MYEF2: variants seen among roughly 807,000 people sequenced by gnomAD.
MYEF2 encodes the protein myelin expression factor 2.
MYEF2 carries 37 observed loss-of-function variants against 75.2 expected under a neutral mutation model. That is an observed-to-expected ratio of 0.49 (90% CI 0.38 to 0.65). The LOEUF is 0.65. Ranked by LOEUF, MYEF2 falls within the 30% of genes least tolerant of loss-of-function variation. The pLI, the probability that MYEF2 is intolerant of heterozygous loss-of-function variation, is 0.00. For missense variants in MYEF2, 634 were observed against 771.4 expected (o/e 0.82, Z 2.11); for synonymous variants, 195 against 241.6 (o/e 0.81, Z 1.79).
At chr15:48,143,276 T>C (rs2039152323) in intron 16 of MYEF2, among the ~76,000 whole-genome samples, 1 of 151,996 alleles carries the variant, frequency 6.6e-6, no homozygotes, top group Non-Finnish European at 1.5e-5. Flanking sequence ...ATATACAAAA[T>C]TGGAATCAGG....
At position 48,136,686 on chromosome 15, in the gene MYEF2, T is replaced by C. The variant is rs199825911; in HGVS notation, c.*6222A>G. Reference sequence around the variant, plus strand: ...AACACAAATTTCTCTTTTGTAGGTATGAAGGGGCTTTACTGCTTTTGATAT... The same window carrying C: ...AACACAAATTTCTCTTTTGTAGGTACGAAGGGGCTTTACTGCTTTTGATAT... On this transcript the variant is annotated 3_prime_UTR_variant, in exon 17 of 17. Coordinates refer to ENST00000324324, the MANE Select transcript of MYEF2 (RefSeq NM_016132.5). 188 of 1,600,250 alleles carry C rather than the reference T, an allele frequency of 1.2e-4. 1 individual carries two copies. In the Middle Eastern group the frequency reaches 1.5e-3, roughly 13 times the overall value.
In MYEF2 at chr15:48,142,208, T is replaced by C. The variant is rs1287108952; in HGVS notation, c.*700A>G. 6.2e-7 allele frequency: 1 copy of C among 1,613,756 alleles called. No individual in the cohort carries two copies. Among genetic ancestry groups the C allele is most frequent in the African/African-American group, 1.3e-5 (1 of 74,916 alleles). ...CAACATTTCAATTATTTTTCTTTTT[T>C]TAGCAGTTCACTTCAATGGCTGGAA... On this transcript the variant is annotated 3_prime_UTR_variant, in exon 17 of 17. Coordinates refer to ENST00000324324, the MANE Select transcript of MYEF2 (RefSeq NM_016132.5).
chr15:48,156,504 TGACTCAAAAAAAAAA>T (rs2039702415), intron 9 of MYEF2, among the ~76,000 whole-genome samples: 1 of 149,198 alleles, frequency 6.7e-6, no homozygotes. Context: ...TTACAAAAAT[TGACTCAAAAAAAAAA>T]GACAGAAAAT....
chr15:48,149,206 C>T lies in MYEF2; in HGVS notation c.1544G>A (p.Arg515Lys). ...GTTGCCTTTGGAGCCTATTCTCTCT[C>T]TCATTCCGCTTCCCATTGGACCCGA... ...FLSGPMGSGM[R>K]ERIGSKGNQI... Residue 515 changes from arginine (R) to lysine (K), a missense_variant, in exon 15 of 17, where the codon AGA becomes AAA. Arg to Lys is a conservative substitution (Grantham distance 26, BLOSUM62 2). Coordinates refer to ENST00000324324, the MANE Select transcript of MYEF2 (RefSeq NM_016132.5). The surrounding 1 kb of genome is among the most constrained non-coding windows in gnomAD (Gnocchi z 4.0). 1.1e-5 allele frequency: 18 copies of T among 1,613,428 alleles called. No homozygotes were observed. Among genetic ancestry groups the T allele is most frequent in the Non-Finnish European group, 1.5e-5 (18 of 1,179,490 alleles).
intron 16 of MYEF2, among the ~76,000 whole-genome samples, chr15:48,145,919 A>T (rs74011909): frequency 0.044 from 6,683 of 151,970 alleles, 347 homozygotes; most frequent in African/African-American, 0.11. Flanking sequence ...AGTCCACTCA[A>T]AATGCTTGAA....
In MYEF2 at chr15:48,138,187, TTA is replaced by T. The variant is rs1473535449; in HGVS notation, c.*4719_*4720del. 6.6e-6 allele frequency: 1 copy of T among 152,068 alleles called. No homozygotes were observed. Among genetic ancestry groups the T allele is most frequent in the Non-Finnish European group, 1.5e-5 (1 of 67,956 alleles). The allele number at this position is 152,068 out of a possible 1,614,324, so 9.4% of individuals were successfully genotyped here. A position where few individuals can be genotyped will look rare whatever the true frequency, so the allele number is the denominator to read the frequency against. ...CATTGGTTGAAGCTTGGCAAACTTT[TTA>T]TGAGTTGTTGTACTAACATTAGTTT... is the stretch of plus-strand genomic sequence containing the variant. On this transcript the variant is annotated 3_prime_UTR_variant, in exon 17 of 17. Coordinates refer to ENST00000324324, the MANE Select transcript of MYEF2 (RefSeq NM_016132.5).
At position 48,143,030 on chromosome 15, in the gene MYEF2, A is replaced by C. The variant is rs1245281523; in HGVS notation, c.1681T>G (p.Ser561Ala). 2 of 1,582,740 alleles carry C rather than the reference A, an allele frequency of 1.3e-6. No individual in the cohort carries two copies. The highest frequency in any genetic ancestry group is 2.8e-5 in the African/African-American group (2 of 72,690). Residue 561 changes from serine to alanine, a missense_variant, in exon 17 of 17, where the codon TCA becomes GCA. By Grantham distance (99) the Ser-to-Ala change is moderately conservative. Coordinates refer to ENST00000324324, the MANE Select transcript of MYEF2 (RefSeq NM_016132.5). Reference sequence around the variant, plus strand: ...AATCTGACTGTTCCACAGCCTTTTGACTTTCCATTCTCCATTTTTATTTCT... The same window carrying C: ...AATCTGACTGTTCCACAGCCTTTTGCCTTTCCATTCTCCATTTTTATTTCT... ...FAEIKMENGK[S>A]KGCGTVRFDS... is the part of the protein sequence containing the mutation.
chr15:48,178,242 C>A lies in MYEF2; in HGVS notation c.-5G>T. On this transcript the variant is annotated 5_prime_UTR_variant, in exon 1 of 17. Transcript: ENST00000324324. ...GGCCTTGTTGGCGTCCGCCATCCCG[C>A]CGCCGCTGCCTCCGCCTCGGCCGCC... 7.2e-7 allele frequency: 1 copy of A among 1,388,720 alleles called. No individual in the cohort carries two copies. The highest frequency in any genetic ancestry group is 1.8e-5 in the South Asian group (1 of 57,110). 86.0% of individuals were successfully genotyped at this position (1,388,720 alleles called of 1,614,324 possible).
intron 16 of MYEF2, among the ~76,000 whole-genome samples, chr15:48,143,879 A>G (rs976209596): frequency 6.6e-6 from 1 of 152,106 alleles, no homozygotes; most frequent in Non-Finnish European, 1.5e-5. Context: ...ATTCATCACT[A>G]CAATAGAACA....
chr15:48,137,259 G>C lies in MYEF2; in HGVS notation c.*5649C>G, dbSNP rs530011455. 5.7e-4 allele frequency: 163 copies of C among 285,094 alleles called. 1 individual carries two copies. Among genetic ancestry groups the C allele is most frequent in the African/African-American group, 3.5e-3 (157 of 45,456 alleles). The allele number at this position is 285,094 out of a possible 1,614,324, so 17.7% of individuals were successfully genotyped here. ...ACAGATAGGAGATTTTCACAGAGAA[G>C]GGAGCATTTAAATTGGGCCTTGCTG... is the stretch of plus-strand genomic sequence containing the variant. On this transcript the variant is annotated 3_prime_UTR_variant, in exon 17 of 17. Coordinates refer to ENST00000324324, the MANE Select transcript of MYEF2 (RefSeq NM_016132.5).
Position 48,159,631 on chromosome 15 carries a change from G to A in MYEF2, c.699C>T (p.Ser233=). ...AACTTACATTGGCAACAAAAATTGT[G>A]GAACCAAGTCTACCGGCCTGCAAAT... ...ISNLQAGRLG[S]TIFVANLDFK... Residue 233 remains serine (S), a synonymous_variant, in exon 6 of 17, where the codon TCC becomes TCT. Transcript: ENST00000324324. 1 of 1,609,886 alleles carries A rather than the reference G, an allele frequency of 6.2e-7. No homozygotes were observed. Among genetic ancestry groups the A allele is most frequent in the Non-Finnish European group, 8.5e-7 (1 of 1,178,930 alleles).
chr15:48,141,071 G>C lies in MYEF2; in HGVS notation c.*1837C>G, dbSNP rs754970797. The stretch of plus-strand genomic sequence containing the variant: ...AAAATAACTGCAAAGGATGGTTAGT[G>C]AATCTTTAAGATTTGTAACTTGAAA... On this transcript the variant is annotated 3_prime_UTR_variant, in exon 17 of 17. Coordinates refer to ENST00000324324, the MANE Select transcript of MYEF2 (RefSeq NM_016132.5). 6.7e-7 allele frequency: 1 copy of C among 1,494,184 alleles called. No homozygotes were observed. The highest frequency in any genetic ancestry group is 1.2e-5 in the South Asian group (1 of 86,306). 92.6% of individuals were successfully genotyped at this position (1,494,184 alleles called of 1,614,324 possible).
chr15:48,167,341 G>C lies in MYEF2; in HGVS notation c.423+8C>G. 1 of 1,612,792 alleles carries C rather than the reference G, an allele frequency of 6.2e-7. No homozygotes were observed. The highest frequency in any genetic ancestry group is 8.5e-7 in the Non-Finnish European group (1 of 1,178,958). ...AACCTCAAGCAGATTATTGCCCACA[G>C]CACTTACCCTTGATTTTCCTTCCGC... is the stretch of plus-strand genomic sequence containing the variant. On this transcript the variant is annotated splice_region_variant and intron_variant, in intron 3 of 16. Transcript: ENST00000324324.
In MYEF2 at chr15:48,139,128, G is replaced by A; in HGVS notation, c.*3780C>T. 2.5e-6 allele frequency: 4 copies of A among 1,612,910 alleles called. No individual in the cohort carries two copies. Among genetic ancestry groups the A allele is most frequent in the South Asian group, 1.1e-5 (1 of 91,016 alleles). On this transcript the variant is annotated 3_prime_UTR_variant, in exon 17 of 17. Transcript: ENST00000324324. ...ATAACCTTTTTCATGTCTGCAATATGGATATCCGCATTTACATATATCCTG... is the reference window on the plus strand; with the variant it reads ...ATAACCTTTTTCATGTCTGCAATATAGATATCCGCATTTACATATATCCTG...
chr15:48,177,234 C>T (rs1448624553), intron 1 of MYEF2, among the ~76,000 whole-genome samples: 2 of 152,122 alleles, frequency 1.3e-5, no homozygotes, highest in African/African-American at 2.4e-5. Flanking sequence ...CAAAGGAGAG[C>T]ATAACATTTC....
At chr15:48,164,656 A>G (rs2040071366) in intron 5 of MYEF2, among the ~76,000 whole-genome samples, 2 of 152,154 alleles carry the variant, frequency 1.3e-5, no homozygotes, top group South Asian at 2.1e-4. Flanking sequence ...AGCAAACTTC[A>G]TTGTTCTTAA....
intron 1 of MYEF2, among the ~76,000 whole-genome samples, chr15:48,170,802 A>C (rs1286566423): frequency 6.6e-6 from 1 of 152,234 alleles, no homozygotes; most frequent in East Asian, 1.9e-4. Flanking sequence ...CTTTGGTATC[A>C]GCAGCACCTC....
chr15:48,155,483 A>G (rs1253850463), intron 9 of MYEF2, among the ~76,000 whole-genome samples: 3 of 152,140 alleles, frequency 2.0e-5, no homozygotes. Flanking sequence ...TTACAGCAGA[A>G]AAAGTATTGG....
In MYEF2 at chr15:48,135,048, A is replaced by ATT; in HGVS notation, c.*7858_*7859dup. The ATT allele has an allele frequency of 7.7e-7, 1 of 1,305,948 alleles. No individual in the cohort carries two copies. Among genetic ancestry groups the ATT allele is most frequent in the South Asian group, 1.2e-5 (1 of 80,092 alleles). 80.9% of individuals were successfully genotyped at this position (1,305,948 alleles called of 1,614,324 possible). On this transcript the variant is annotated 3_prime_UTR_variant, in exon 17 of 17. Transcript: ENST00000324324. ...TTTATGAATTTCTGATGGTTCAGTAATTTTTTTTCAGAAATGTTATTTCAG... is the reference window on the plus strand; with the variant it reads ...TTTATGAATTTCTGATGGTTCAGTAATTTTTTTTTTCAGAAATGTTATTTCAG...
Sources: allele counts gnomAD v4.1 joint callset (sites outside exome capture counted in the v4.1 genomes callset), GRCh38; gene constraint gnomAD v4.1.1; non-coding constraint Gnocchi (gnomAD v3.1); transcripts MANE v1.5; gene names NCBI Gene and HGNC (gene_info 2026-07-23, HGNC 2026-07-21).